Variants in PGBD1 observed in about 807,000 individuals in gnomAD.
PGBD1 encodes the protein piggyBac transposable element-derived protein 1.
Under a neutral mutation model 34.7 loss-of-function variants are expected in PGBD1, and 25 were observed. The observed-to-expected ratio is 0.72, with a 90% CI of 0.52 to 1.00. The LOEUF (loss-of-function observed/expected upper bound fraction) is 1.00. Among genes scored for constraint, PGBD1 ranks in the 50% least tolerant of loss-of-function variants. The pLI is 0.00. For synonymous variants in PGBD1, 292 were observed against 335.7 expected, an observed-to-expected ratio of 0.87 and a Z score of 1.42; for missense variants, 830 against 959.4, an observed-to-expected ratio of 0.87 and a Z score of 1.78.
chr6:28,290,375 C>T (rs1357503580), intron 4 of PGBD1, among the ~76,000 whole-genome samples: 1 of 152,104 alleles, frequency 6.6e-6, no homozygotes, highest in Non-Finnish European at 1.5e-5. Flanking sequence ...GGATTACAGG[C>T]GTGAGACACC....
chr6:28,284,042 A>T lies in PGBD1; in HGVS notation c.229A>T (p.Met77Leu), dbSNP rs1372647192. 1.2e-6 allele frequency: 2 copies of T among 1,614,116 alleles called. No homozygotes were observed. Residue 77 changes from methionine (M) to leucine (L), a missense_variant, in exon 2 of 7, where the codon ATG becomes TTG. By Grantham distance (15) the Met-to-Leu change is conservative (BLOSUM62 2). Coordinates refer to ENST00000682144, the MANE Select transcript of PGBD1 (RefSeq NM_032507.4). ...ELCHQWLRPE[M>L]HTKEQIMELL... ...TTGTCATCAATGGCTGAGACCGGAG[A>T]TGCACACCAAGGAACAGATAATGGA...
At position 28,301,109 on chromosome 6, in the gene PGBD1, C is replaced by A; in HGVS notation, c.1255C>A (p.Pro419Thr). 6.2e-7 allele frequency: 1 copy of A among 1,614,068 alleles called. No individual in the cohort carries two copies. The highest frequency in any genetic ancestry group is 2.2e-5 in the East Asian group (1 of 44,890). The change falls in exon 7 of 7, where the codon CCA becomes ACA. Residue 419 changes from proline to threonine, a missense_variant. Around this residue, in one of 3 missense-constraint regions of PGBD1, gnomAD observed 457 missense variants for 515.4 expected, o/e 0.89. Coordinates refer to ENST00000682144, the MANE Select transcript of PGBD1 (RefSeq NM_032507.4). ...LLNLKSEKLN[P>T]VELFELFFDD... The stretch of plus-strand genomic sequence containing the variant: ...GAATCTCAAGAGCGAAAAGTTGAAC[C>A]CAGTAGAGCTTTTTGAATTATTTTT...
rs140261557 is a variant in PGBD1 at position 28,293,192 on chromosome 6, T to C, written c.643-3624T>C. 3.8e-3 allele frequency among the ~76,000 whole-genome samples: 586 copies of C among 152,224 alleles called. 1 individual carries two copies. Among genetic ancestry groups the C allele is most frequent in the African/African-American group, 0.013 (539 of 41,552 alleles). On this transcript the variant is annotated intron_variant, in intron 4 of 6. Coordinates refer to ENST00000682144, the MANE Select transcript of PGBD1 (RefSeq NM_032507.4). ...TCCTGACCTAGTGATGTGCCCACCT[T>C]GGCCTCCCAAAGTGCTGGGATTACA...
rs1762835711 is a variant in PGBD1, at chr6:28,301,395, A to T, written c.1541A>T (p.Asp514Val). Residue 514 changes from aspartate (D) to valine (V), a missense_variant, in exon 7 of 7, where the codon GAT becomes GTT. This residue lies in a region of PGBD1 where 372 missense variants were observed against 427.9 expected (regional missense o/e 0.87). Transcript: ENST00000682144. ...NLHFADNGHL[D>V]QKDKFTKLRP... ...CACTTTGCAGATAATGGCCACCTAG[A>T]TCAAAAAGATAAGTTTACAAAGTTG... 6.2e-7 allele frequency: 1 copy of T among 1,614,020 alleles called. No individual in the cohort carries two copies. Among genetic ancestry groups the T allele is most frequent in the Non-Finnish European group, 8.5e-7 (1 of 1,180,036 alleles).
intron 3 of PGBD1, 146 bp downstream of exon 3, chr6:28,285,853 G>A: frequency 1.2e-6 from 1 of 805,378 alleles, no homozygotes; most frequent in Non-Finnish European, 1.9e-6. Context: ...ATGTGTCTGT[G>A]GTAAGAATTC....
chr6:28,302,119 C>G lies in PGBD1; in HGVS notation c.2265C>G (p.Ser755Arg). Residue 755 changes from serine to arginine, a missense_variant, in exon 7 of 7, where the codon AGC (serine) becomes AGG (arginine). Ser to Arg is a moderately radical substitution (Grantham distance 110). Around this residue, in one of 3 missense-constraint regions of PGBD1, gnomAD observed 372 missense variants for 427.9 expected, o/e 0.87. Coordinates refer to ENST00000682144, the MANE Select transcript of PGBD1 (RefSeq NM_032507.4). ...IISKYRVRIRSKKWYSILVSY... is the reference protein window; with the variant it reads ...IISKYRVRIRRKKWYSILVSY... ...CGAAATACAGGGTGAGGATAAGAAG[C>G]AAGAAATGGTACTCAATTTTGGTGA... 1 of 1,614,064 alleles carries G rather than the reference C, an allele frequency of 6.2e-7. No individual in the cohort carries two copies. The highest frequency in any genetic ancestry group is 8.5e-7 in the Non-Finnish European group (1 of 1,180,002).
intron 2 of PGBD1, 37 bp from the exon 3 acceptor site, chr6:28,285,514 T>C: frequency 6.3e-7 from 1 of 1,598,302 alleles, no homozygotes; most frequent in Middle Eastern, 1.7e-4. Flanking sequence ...GCAGTCCATA[T>C]ATGCATGCCC....
Position 28,302,212 on chromosome 6 carries a change from T to C in PGBD1, c.2358T>C (p.Ser786=). The stretch of plus-strand genomic sequence containing the variant: ...ACAGAGCCTGTAACCCAGGTGCTTC[T>C]CTAGACCCCTTGGATTTTCGGAGAT... ...QLHRACNPGA[S]LDPLDFRRFV... is the part of the protein sequence containing the mutation. Residue 786 remains serine, a synonymous_variant, in exon 7 of 7, where the codon TCT becomes TCC. Transcript: ENST00000682144. The C allele has an allele frequency of 3.1e-6, 5 of 1,614,136 alleles. No individual in the cohort carries two copies. The highest frequency in any genetic ancestry group is 4.2e-6 in the Non-Finnish European group (5 of 1,180,014).
Position 28,290,735 on chromosome 6 carries a change from A to G in PGBD1, c.642+3567A>G, listed in dbSNP as rs375801402. ...CTGAACAAATTTTTAAAAAATATAA[A>G]TCATATCAAGTATCTTTTCTAATCA... On this transcript the variant is annotated intron_variant, in intron 4 of 6. Coordinates refer to ENST00000682144, the MANE Select transcript of PGBD1 (RefSeq NM_032507.4). 1.6e-4 allele frequency among the ~76,000 whole-genome samples: 25 copies of G among 152,336 alleles called. No individual in the cohort carries two copies. The South Asian group carries it at 1.9e-3, about 11-fold the overall frequency.
intron 6 of PGBD1, 133 bp downstream of exon 6, chr6:28,298,124 A>G (rs1762715847): frequency 1.4e-6 from 1 of 701,818 alleles, no homozygotes; most frequent in African/African-American, 1.8e-5. Context: ...TTCTGTGATC[A>G]TAGGAGGTCC....
At chr6:28,289,990 T>G (rs1194254775) in intron 4 of PGBD1, among the ~76,000 whole-genome samples, 2 of 152,246 alleles carry the variant, frequency 1.3e-5, no homozygotes, top group Non-Finnish European at 2.9e-5. Context: ...GAAGGTCTTC[T>G]TTGTAAGCCT....
chr6:28,293,711 G>A (rs1160553982), intron 4 of PGBD1, among the ~76,000 whole-genome samples: 12 of 152,054 alleles, frequency 7.9e-5, no homozygotes, highest in Admixed American at 7.9e-4. Context: ...ATTTGTTTTG[G>A]TGTGCCACAA....
At chr6:28,293,019 T>G (rs551084904) in intron 4 of PGBD1, among the ~76,000 whole-genome samples, 16 of 152,320 alleles carry the variant, frequency 1.1e-4, no homozygotes, top group Non-Finnish European at 1.9e-4. Context: ...CTCAGCTCAC[T>G]GCAACCTCTG....
At chr6:28,286,510 A>G (rs1346749518) in intron 3 of PGBD1, among the ~76,000 whole-genome samples, 3 of 152,260 alleles carry the variant, frequency 2.0e-5, no homozygotes, top group South Asian at 4.1e-4. Flanking sequence ...CTTTTAAAGT[A>G]ACAGCACAGT....
Position 28,281,665 on chromosome 6 carries a change from G to T in PGBD1, c.-292G>T, listed in dbSNP as rs1046946449. On this transcript the variant is annotated 5_prime_UTR_variant, in exon 1 of 7. Transcript: ENST00000682144. ...GGGGAAACCGGCGCTCCCGACAGGG[G>T]AGCACCGGGCCTCTGAGCTCCCTCG... 4 of 360,920 alleles carry T rather than the reference G, an allele frequency of 1.1e-5. No individual in the cohort carries two copies. Among genetic ancestry groups the T allele is most frequent in the Non-Finnish European group, 1.5e-5 (3 of 202,780 alleles). 22.4% of individuals were successfully genotyped at this position (360,920 alleles called of 1,614,324 possible).
rs750263572 is a variant in PGBD1, at chr6:28,302,316, A to G, written c.*32A>G. On this transcript the variant is annotated 3_prime_UTR_variant, in exon 7 of 7. Coordinates refer to ENST00000682144, the MANE Select transcript of PGBD1 (RefSeq NM_032507.4). ...TAAAATGGACATAGTGCAGACATTA[A>G]TAAGACATAGAAAAATAATAATTAT... The G allele has an allele frequency of 4.5e-6, 7 of 1,565,306 alleles. No individual in the cohort carries two copies. The Admixed American group carries it at 5.7e-5, about 13-fold the overall frequency.
intron 1 of PGBD1, among the ~76,000 whole-genome samples, chr6:28,282,860 A>G (rs1473971215): frequency 6.6e-6 from 1 of 152,238 alleles, no homozygotes; most frequent in Non-Finnish European, 1.5e-5. Context: ...TGAAAGTGTG[A>G]CTAAGGAGAT....
In PGBD1 at chr6:28,281,594, C is replaced by G; in HGVS notation, c.-363C>G. 2.6e-6 allele frequency: 1 copy of G among 385,526 alleles called. No homozygotes were observed. The highest frequency in any genetic ancestry group is 4.6e-6 in the Non-Finnish European group (1 of 218,364). The allele number at this position is 385,526 out of a possible 1,614,324, so 23.9% of individuals were successfully genotyped here. Reference sequence around the variant, plus strand: ...TTTGTACCCGCCCAGCTGCTGGAGGCGCCGGCAGCGCCCGCCAGACCCGCC... The same window carrying G: ...TTTGTACCCGCCCAGCTGCTGGAGGGGCCGGCAGCGCCCGCCAGACCCGCC... On this transcript the variant is annotated 5_prime_UTR_variant, in exon 1 of 7. Transcript: ENST00000682144.
chr6:28,283,686 TGTAA>T, intron 1 of PGBD1, 86 bp from the exon 2 acceptor site: 2 of 1,217,830 alleles, frequency 1.6e-6, no homozygotes, highest in Admixed American at 5.1e-5. Flanking sequence ...GGGACAAAAA[TGTAA>T]GTAGGTTACA....
Sources: gnomAD v4.1 joint callset for allele counts (sites outside exome capture counted in the v4.1 genomes callset) on GRCh38, gnomAD v4.1.1 for gene constraint, gnomAD v4.1.1 regional missense constraint, MANE v1.5 for transcripts, NCBI Gene and HGNC (gene_info 2026-07-23, HGNC 2026-07-21) for gene names.